CCDC178: variants seen among roughly 807,000 people sequenced by gnomAD.
CCDC178 encodes coiled-coil domain containing 178.
In CCDC178, 126 loss-of-function variants were observed where a neutral mutation model predicts 117.4. The ratio of observed to expected loss-of-function variants is 1.07; its 90% CI spans 0.93 to 1.24. The LOEUF is 1.24. Among genes scored for constraint, CCDC178 ranks in the 50% most tolerant of loss-of-function variants. The pLI is 0.00. For missense variants in CCDC178, 1,030 were observed against 986.9 expected, an observed-to-expected ratio of 1.04 and a Z score of -0.59; for synonymous variants, 283 against 313.4, an observed-to-expected ratio of 0.90 and a Z score of 1.02.
At chr18:33,435,386 A>G (rs2064274669) in intron 2 of CCDC178, among the ~76,000 whole-genome samples, 1 of 152,158 alleles carries the variant, frequency 6.6e-6, no homozygotes, top group Non-Finnish European at 1.5e-5. Context: ...GTTGTTTTAG[A>G]GCATGTAAGC....
chr18:33,373,369 A>ATT (rs34183695), intron 5 of CCDC178, among the ~76,000 whole-genome samples: 1 of 151,480 alleles, frequency 6.6e-6, no homozygotes, highest in East Asian at 2.0e-4. Flanking sequence ...CTTCAATACA[A>ATT]TTTTTTTTTA....
rs547615650 is a variant in CCDC178, at chr18:33,222,499, C to T, written c.1932+607G>A. On this transcript the variant is annotated intron_variant, in intron 18 of 22. Transcript: ENST00000383096. ...GTGTCTCATGAAGCTTCACCCTCTGCTTCAAAGATGGTGTCTTCTTCCTTC... is the reference window on the plus strand; with the variant it reads ...GTGTCTCATGAAGCTTCACCCTCTGTTTCAAAGATGGTGTCTTCTTCCTTC... Among the ~76,000 whole-genome samples, 79 of 152,166 alleles carry T rather than the reference C, an allele frequency of 5.2e-4. 1 individual carries two copies. In the South Asian group the frequency reaches 0.011, roughly 21 times the overall value.
intron 20 of CCDC178, among the ~76,000 whole-genome samples, chr18:33,195,149 A>G (rs988310537): frequency 5.9e-5 from 9 of 151,856 alleles, no homozygotes; most frequent in Non-Finnish European, 1.2e-4. Context: ...GAGAGAGAAG[A>G]AAAAAGAAAA....
intron 21 of CCDC178, among the ~76,000 whole-genome samples, chr18:33,067,787 C>T (rs2057042397): frequency 6.6e-6 from 1 of 151,880 alleles, no homozygotes; most frequent in Non-Finnish European, 1.5e-5. Flanking sequence ...AGCTGAGATC[C>T]TGCCATTGCA....
At chr18:33,402,623 C>G (rs2063723698) in intron 3 of CCDC178, among the ~76,000 whole-genome samples, 1 of 152,190 alleles carries the variant, frequency 6.6e-6, no homozygotes. Context: ...TATCAAAGTC[C>G]AACTCTTCTA....
At chr18:33,194,240 A>G (rs2058897782) in intron 20 of CCDC178, among the ~76,000 whole-genome samples, 1 of 152,180 alleles carries the variant, frequency 6.6e-6, no homozygotes, top group African/African-American at 2.4e-5. Flanking sequence ...CTTTATAAAT[A>G]TCTCAGATAA....
At chr18:33,153,020 A>AG (rs1333677417) in intron 20 of CCDC178, among the ~76,000 whole-genome samples, 104 of 8,194 alleles carry the variant, frequency 0.013, 1 homozygote, top group Non-Finnish European at 0.11. Flanking sequence ...TAGACTTGTG[A>AG]AAAAAAAAAC....
intron 20 of CCDC178, among the ~76,000 whole-genome samples, chr18:33,187,025 G>GGGAGGCCTCA (rs56742436): frequency 0.16 from 24,126 of 151,216 alleles, 2,688 homozygotes; most frequent in African/African-American, 0.32. Flanking sequence ...TGCATGGCTG[G>GGGAGGCCTCA]GGAAACTTAC....
chr18:33,366,706 G>C (rs1318616360), intron 6 of CCDC178, among the ~76,000 whole-genome samples: 1 of 151,926 alleles, frequency 6.6e-6, no homozygotes, highest in African/African-American at 2.4e-5. Flanking sequence ...TATGTAACTG[G>C]GGTGAAGGCT....
intron 5 of CCDC178, among the ~76,000 whole-genome samples, chr18:33,379,951 G>A (rs1395073358): frequency 6.6e-6 from 1 of 152,142 alleles, no homozygotes; most frequent in Non-Finnish European, 1.5e-5. Context: ...TGGAGAACTG[G>A]CTGGGTGTGG....
intron 7 of CCDC178, among the ~76,000 whole-genome samples, chr18:33,354,113 G>A (rs573035668): frequency 2.4e-4 from 37 of 152,178 alleles, no homozygotes; most frequent in African/African-American, 8.9e-4. Flanking sequence ...TCACCCCACT[G>A]CATTCTGACT....
intron 11 of CCDC178, among the ~76,000 whole-genome samples, chr18:33,311,917 A>T (rs2062349119): frequency 6.6e-6 from 1 of 152,180 alleles, no homozygotes; most frequent in African/African-American, 2.4e-5. Flanking sequence ...AAGGAAGACA[A>T]AAGACAGCAC....
intron 2 of CCDC178, among the ~76,000 whole-genome samples, chr18:33,426,151 C>T (rs754480572): frequency 6.6e-6 from 1 of 152,296 alleles, no homozygotes; most frequent in South Asian, 2.1e-4. Flanking sequence ...CTTCGTGATC[C>T]GCCCACCTCA....
At chr18:33,041,669 T>C (rs2056551878) in intron 21 of CCDC178, among the ~76,000 whole-genome samples, 1 of 151,602 alleles carries the variant, frequency 6.6e-6, no homozygotes, top group Non-Finnish European at 1.5e-5. Flanking sequence ...ATTTCTTAAA[T>C]TGAGAAATTC....
At chr18:33,012,702 T>TATAACTAA (rs1359218515) in intron 21 of CCDC178, among the ~76,000 whole-genome samples, 3 of 152,206 alleles carry the variant, frequency 2.0e-5, no homozygotes, top group Non-Finnish European at 4.4e-5. Context: ...TGTCTTCTTT[T>TATAACTAA]AAATTTCATA....
At position 33,426,767 on chromosome 18, in the gene CCDC178, T is replaced by C. The variant is rs1426126792; in HGVS notation, c.-23+13195A>G. On this transcript the variant is annotated intron_variant, in intron 2 of 22. Transcript: ENST00000383096. Reference sequence around the variant, plus strand: ...TGTGTTACTTTTCCTACTGAAGAGATCTGAAACAGCAAGGGCTTTGTCTGT... The same window carrying C: ...TGTGTTACTTTTCCTACTGAAGAGACCTGAAACAGCAAGGGCTTTGTCTGT... 2.6e-5 allele frequency among the ~76,000 whole-genome samples: 4 copies of C among 152,308 alleles called. No homozygotes were observed. The East Asian group carries it at 7.7e-4, about 29-fold the overall frequency.
intron 15 of CCDC178, among the ~76,000 whole-genome samples, chr18:33,240,067 G>A (rs1017284255): frequency 6.6e-6 from 1 of 151,752 alleles, no homozygotes; most frequent in African/African-American, 2.4e-5. Context: ...AAGAAAACTA[G>A]AAATTGATAA....
chr18:33,308,838 T>A (rs1417506019), intron 11 of CCDC178, among the ~76,000 whole-genome samples: 1 of 152,172 alleles, frequency 6.6e-6, no homozygotes, highest in Non-Finnish European at 1.5e-5. Flanking sequence ...TGAAGAAGGA[T>A]GTGTTTGCTT....
intron 9 of CCDC178, among the ~76,000 whole-genome samples, chr18:33,338,502 T>C (rs1270367482): frequency 6.6e-6 from 1 of 152,132 alleles, no homozygotes; most frequent in African/African-American, 2.4e-5. Context: ...CCAGCCCAAA[T>C]GCCCATTAAT....
Sources: gnomAD v4.1 joint callset for allele counts (sites outside exome capture counted in the v4.1 genomes callset) on GRCh38, gnomAD v4.1.1 for gene constraint, MANE v1.5 for transcripts, NCBI Gene and HGNC (gene_info 2026-07-23, HGNC 2026-07-21) for gene names.